Variants in MTNAP1 observed in about 807,000 individuals in gnomAD.
MTNAP1 encodes mitochondrial nucleoid associated protein 1.
the MTNAP1 span, chr17:73,245,669 C>A: frequency 1.0e-6 from 1 of 985,348 alleles, no homozygotes; most frequent in Non-Finnish European, 1.2e-6. Flanking sequence ...GGGCCCTTGA[C>A]CAGATCTTGA....
the MTNAP1 span, chr17:73,242,322 T>G: frequency 1.2e-6 from 2 of 1,603,362 alleles, no homozygotes; most frequent in Non-Finnish European, 1.7e-6. Context: ...AACTTCTCTC[T>G]AATGAGGCTC....
the MTNAP1 span, among the ~76,000 whole-genome samples, chr17:73,241,822 G>A: frequency 1.4e-4 from 22 of 152,104 alleles, no homozygotes; most frequent in Admixed American, 6.5e-4. Context: ...CCAGCTACTC[G>A]GGAGGCTGAG....
At chr17:73,248,003 GT>G in the MTNAP1 span, 1 of 155,572 alleles carries the variant, frequency 6.4e-6, no homozygotes, top group Non-Finnish European at 1.4e-5. Context: ...GTTCAGAATA[GT>G]TTAAGAGCGT....
the MTNAP1 span, chr17:73,236,168 A>G: frequency 3.1e-6 from 5 of 1,614,160 alleles, no homozygotes; most frequent in Non-Finnish European, 4.2e-6. Flanking sequence ...GGTGATTGTC[A>G]TATTTCTCCA....
the MTNAP1 span, chr17:73,247,231 GC>G: frequency 2.5e-6 from 4 of 1,611,516 alleles, no homozygotes; most frequent in Non-Finnish European, 3.4e-6. Context: ...TTACTATCTG[GC>G]CTTTACAGAA....
chr17:73,243,784 C>T, the MTNAP1 span, among the ~76,000 whole-genome samples: 4 of 152,210 alleles, frequency 2.6e-5, no homozygotes, highest in Admixed American at 6.5e-5. Context: ...TCTCCTGCCT[C>T]GGCCTCCCAA....
chr17:73,236,027 T>C, the MTNAP1 span: 14 of 1,614,146 alleles, frequency 8.7e-6, no homozygotes, highest in Middle Eastern at 1.6e-4. Flanking sequence ...GAACCTTCTT[T>C]GTCAAATCAA....
chr17:73,243,090 T>TG, the MTNAP1 span: 324 of 978,372 alleles, frequency 3.3e-4, no homozygotes, highest in Middle Eastern at 8.0e-4. Context: ...TTTTTTTTTT[T>TG]TTTTTTTTTT....
chr17:73,235,476 G>C, the MTNAP1 span: 1 of 1,596,930 alleles, frequency 6.3e-7, no homozygotes. Flanking sequence ...CCTTTTTCAG[G>C]AATAGGATGA....
the MTNAP1 span, chr17:73,235,810 A>G: frequency 1.2e-6 from 2 of 1,614,218 alleles, no homozygotes; most frequent in Non-Finnish European, 8.5e-7. Context: ...AAAGGCAGAT[A>G]AAGACATCAA....
At chr17:73,236,461 G>T in the MTNAP1 span, 7 of 1,614,214 alleles carry the variant, frequency 4.3e-6, no homozygotes, top group Non-Finnish European at 5.9e-6. Flanking sequence ...GGAACGGACT[G>T]TCATGAGCCA....
the MTNAP1 span, among the ~76,000 whole-genome samples, chr17:73,244,181 C>G: frequency 6.6e-6 from 1 of 152,146 alleles, no homozygotes; most frequent in Non-Finnish European, 1.5e-5. Flanking sequence ...TTAAAAAAAT[C>G]CTTCTAGTTA....
the MTNAP1 span, among the ~76,000 whole-genome samples, chr17:73,234,773 C>CTGTGTGTGTGTGTGTGTG: frequency 0.18 from 26,120 of 145,736 alleles, 2,881 homozygotes; most frequent in Non-Finnish European, 0.26. Flanking sequence ...TTATGTATAT[C>CTGTGTGTGTGTGTGTGTG]TGTGTGTGTG....
chr17:73,247,679 G>A, the MTNAP1 span: 1 of 198,840 alleles, frequency 5.0e-6, no homozygotes, highest in Non-Finnish European at 1.0e-5. Flanking sequence ...TTAAGGCAAA[G>A]GTGAGATCCT....
At chr17:73,234,507 A>G in the MTNAP1 span, among the ~76,000 whole-genome samples, 7 of 152,020 alleles carry the variant, frequency 4.6e-5, no homozygotes, top group Admixed American at 1.3e-4. Context: ...CCTGGCCAAC[A>G]TGGTGAAACC....
chr17:73,236,235 T>C, the MTNAP1 span: 2 of 1,613,868 alleles, frequency 1.2e-6, no homozygotes, highest in African/African-American at 1.3e-5. Context: ...ATGAGAGAGA[T>C]TCCAAAGGCA....
At chr17:73,235,013 C>G in the MTNAP1 span, among the ~76,000 whole-genome samples, 3 of 151,952 alleles carry the variant, frequency 2.0e-5, no homozygotes, top group Non-Finnish European at 4.4e-5. Flanking sequence ...CTCAGGAGTT[C>G]GAGACCAGTC....
the MTNAP1 span, chr17:73,235,412 A>G: frequency 1.6e-5 from 22 of 1,334,190 alleles, no homozygotes; most frequent in African/African-American, 2.8e-4. Flanking sequence ...GATACAACAC[A>G]TAAGTAAAAT....
chr17:73,237,092 T>C, the MTNAP1 span: 1 of 1,231,892 alleles, frequency 8.1e-7, no homozygotes, highest in East Asian at 2.5e-5. Flanking sequence ...TTTTCAGTCA[T>C]TTAGTTTATT....
Sources: gnomAD v4.1 joint callset for allele counts (sites outside exome capture counted in the v4.1 genomes callset) on GRCh38, gnomAD v4.1.1 for gene constraint, MANE v1.5 for transcripts, NCBI Gene and HGNC (gene_info 2026-07-23, HGNC 2026-07-21) for gene names.